ASB18: variants seen among roughly 807,000 people sequenced by gnomAD.
ASB18 encodes the protein ankyrin repeat and SOCS box protein 18.
Under a neutral mutation model 33.4 loss-of-function variants are expected in ASB18, and 33 were observed. The observed-to-expected ratio is 0.99, with a 90% CI of 0.75 to 1.32. The LOEUF is 1.32. ASB18 is among the 40% of genes most tolerant of loss of function. ASB18 has a pLI of 0.00. For synonymous variants in ASB18, 295 were observed against 307.6 expected (o/e 0.96, Z 0.43); for missense variants, 694 against 655.5 (o/e 1.06, Z -0.64).
chr2:236,216,535 A>G lies in ASB18; in HGVS notation c.597-1669T>C, dbSNP rs1388347319. ...TGCTCTAGATGACTTGCTTCTTGCC[A>G]TTTTCCTGTCTTTCTATTTCCCTGC... On this transcript the variant is annotated intron_variant, in intron 3 of 5. Coordinates refer to ENST00000409749, the MANE Select transcript of ASB18 (RefSeq NM_212556.4). This position sits in a 1 kb window ranked among gnomAD's most constrained non-coding sequence, Gnocchi z 6.1. 2.0e-5 allele frequency among the ~76,000 whole-genome samples: 3 copies of G among 151,880 alleles called. No individual in the cohort carries two copies. Among genetic ancestry groups the G allele is most frequent in the Non-Finnish European group, 4.4e-5 (3 of 67,992 alleles).
At position 236,195,476 on chromosome 2, in the gene ASB18, C is replaced by CAA. The variant is rs147251045; in HGVS notation, c.1216-421_1216-420dup. 0.094 allele frequency among the ~76,000 whole-genome samples: 14,247 copies of CAA among 151,756 alleles called. 830 individuals are homozygous for CAA. Among genetic ancestry groups the CAA allele is most frequent in the Middle Eastern group, 0.21 (60 of 290 alleles). ...GGTGGTCAGTCATGCACACATGACT[C>CAA]AAGTCAGTGAAACAGAAAAAACACA... On this transcript the variant is annotated intron_variant, in intron 5 of 5. Transcript: ENST00000409749. This position sits in a 1 kb window ranked among gnomAD's most constrained non-coding sequence, Gnocchi z 5.5.
Position 236,196,098 on chromosome 2 carries a change from G to A in ASB18, c.1215+174C>T, listed in dbSNP as rs907689979. On this transcript the variant is annotated intron_variant, in intron 5 of 5. Transcript: ENST00000409749. This position sits in a 1 kb window ranked among gnomAD's most constrained non-coding sequence, Gnocchi z 5.6. ...TACTATAACAAGCTCCTGGCTGTGT[G>A]ATTATGGAGCCTCCAGAAAAAACCA... The A allele has an allele frequency of 2.5e-5, 16 of 647,982 alleles. No homozygotes were observed. The Admixed American group carries it at 3.6e-4, about 15-fold the overall frequency. The allele number at this position is 647,982 out of a possible 1,614,324, so 40.1% of individuals were successfully genotyped here.
In ASB18 at chr2:236,195,521, T is replaced by TC. The variant is rs1469744774; in HGVS notation, c.1216-465_1216-464insG. Among the ~76,000 whole-genome samples, 1 of 107,454 alleles carries TC rather than the reference T, an allele frequency of 9.3e-6. No individual in the cohort carries two copies. The highest frequency in any genetic ancestry group is 3.8e-5 in the African/African-American group (1 of 26,174). 70.5% of individuals were successfully genotyped at this position (107,454 alleles called of 152,430 possible). ...AACACACACAACTCTTCTCACTCTC[T>TC]TTTTTTTTTTTTGAGATGGAGTCTA... On this transcript the variant is annotated intron_variant, in intron 5 of 5. Coordinates refer to ENST00000409749, the MANE Select transcript of ASB18 (RefSeq NM_212556.4). This position sits in a 1 kb window ranked among gnomAD's most constrained non-coding sequence, Gnocchi z 5.5.
At position 236,256,894 on chromosome 2, in the gene ASB18, G is replaced by A. The variant is rs2060694972; in HGVS notation, c.205+7247C>T. 6.6e-6 allele frequency among the ~76,000 whole-genome samples: 1 copy of A among 151,978 alleles called. No individual in the cohort carries two copies. The highest frequency in any genetic ancestry group is 2.1e-4 in the South Asian group (1 of 4,808). On this transcript the variant is annotated intron_variant, in intron 1 of 5. Coordinates refer to ENST00000409749, the MANE Select transcript of ASB18 (RefSeq NM_212556.4). This position sits in a 1 kb window ranked among gnomAD's most constrained non-coding sequence, Gnocchi z 4.7. ...CAACCTGCTTCTGGGGAAAAAAAAA[G>A]AGCCTAGGGTGTGTGTCTCGTAGAA...
At chr2:236,206,855 G>C (rs1422518783) in intron 4 of ASB18, among the ~76,000 whole-genome samples, 1 of 152,186 alleles carries the variant, frequency 6.6e-6, no homozygotes, top group East Asian at 1.9e-4. Flanking sequence ...GTGGGATGAG[G>C]TAGTCTAATC....
rs1207783775 is a variant in ASB18 at position 236,237,357 on chromosome 2, G to T, written c.596+332C>A. Among the ~76,000 whole-genome samples the T allele has an allele frequency of 1.5e-4, 5 of 34,452 alleles. 1 individual carries two copies. The highest frequency in any genetic ancestry group is 1.2e-3 in the Admixed American group (3 of 2,582). 22.6% of individuals were successfully genotyped at this position (34,452 alleles called of 152,430 possible). On this transcript the variant is annotated intron_variant, in intron 3 of 5. Transcript: ENST00000409749. This position sits in a 1 kb window ranked among gnomAD's most constrained non-coding sequence, Gnocchi z 6.2. ...CCCGCGGGGGCCGGGGCCGGGGCGC[G>T]GGGCGGGGGCCGGGGCCGGGGCGCG...
chr2:236,208,031 T>C lies in ASB18; in HGVS notation c.1101+6331A>G, dbSNP rs1253040074. ...TTTGGAGGACAGGAGCTGTTCTTTC[T>C]AGACTGGGCATCATATCGACATCAT... On this transcript the variant is annotated intron_variant, in intron 4 of 5. Coordinates refer to ENST00000409749, the MANE Select transcript of ASB18 (RefSeq NM_212556.4). This position sits in a 1 kb window ranked among gnomAD's most constrained non-coding sequence, Gnocchi z 7.7. 6.6e-6 allele frequency among the ~76,000 whole-genome samples: 1 copy of C among 152,098 alleles called. No individual in the cohort carries two copies. Among genetic ancestry groups the C allele is most frequent in the African/African-American group, 2.4e-5 (1 of 41,394 alleles).
rs1241760636 is a variant in ASB18 at position 236,211,980 on chromosome 2, A to G, written c.1101+2382T>C. Among the ~76,000 whole-genome samples the G allele has an allele frequency of 6.6e-6, 1 of 152,190 alleles. No individual in the cohort carries two copies. Among genetic ancestry groups the G allele is most frequent in the East Asian group, 1.9e-4 (1 of 5,186 alleles). Reference sequence around the variant, plus strand: ...GCAGTGGCTGGAATCCCTTTCATTCATTCAACAAACACTGATGGAAGGTCT... The same window carrying G: ...GCAGTGGCTGGAATCCCTTTCATTCGTTCAACAAACACTGATGGAAGGTCT... On this transcript the variant is annotated intron_variant, in intron 4 of 5. Transcript: ENST00000409749. The surrounding 1 kb of genome is among the most constrained non-coding windows in gnomAD (Gnocchi z 5.0).
At position 236,259,517 on chromosome 2, in the gene ASB18, C is replaced by T. The variant is rs955860597; in HGVS notation, c.205+4624G>A. 11 of 470,916 alleles carry T rather than the reference C, an allele frequency of 2.3e-5. No individual in the cohort carries two copies. The highest frequency in any genetic ancestry group is 4.7e-5 in the Admixed American group (2 of 42,554). The allele number at this position is 470,916 out of a possible 1,614,324, so 29.2% of individuals were successfully genotyped here. On this transcript the variant is annotated intron_variant, in intron 1 of 5. Transcript: ENST00000409749. This position sits in a 1 kb window ranked among gnomAD's most constrained non-coding sequence, Gnocchi z 4.4. ...TATGCTTTCATGCAGGGAGGATGCA[C>T]GATTTCTGTCCCAGTGGGAAGGGAT...
chr2:236,233,209 G>T (rs945469588), intron 3 of ASB18, among the ~76,000 whole-genome samples: 2 of 152,086 alleles, frequency 1.3e-5, no homozygotes, highest in Non-Finnish European at 2.9e-5. Flanking sequence ...CTCCATATAT[G>T]TAGAAAAAGC....
rs2060563011 is a variant in ASB18, at chr2:236,231,126, C to G, written c.596+6563G>C. On this transcript the variant is annotated intron_variant, in intron 3 of 5. Coordinates refer to ENST00000409749, the MANE Select transcript of ASB18 (RefSeq NM_212556.4). This position sits in a 1 kb window ranked among gnomAD's most constrained non-coding sequence, Gnocchi z 5.5. Reference sequence around the variant, plus strand: ...GGCAGAACCTTTGATTTGCCGCTAACCAATGGACTATTGCAAAGGTGACAG... The same window carrying G: ...GGCAGAACCTTTGATTTGCCGCTAAGCAATGGACTATTGCAAAGGTGACAG... 6.6e-6 allele frequency among the ~76,000 whole-genome samples: 1 copy of G among 152,072 alleles called. No individual in the cohort carries two copies. The highest frequency in any genetic ancestry group is 2.1e-4 in the South Asian group (1 of 4,816).
At chr2:236,230,726 T>A (rs1392531333) in intron 3 of ASB18, among the ~76,000 whole-genome samples, 4 of 150,990 alleles carry the variant, frequency 2.6e-5, no homozygotes, top group African/African-American at 9.7e-5. Flanking sequence ...AACAAAAAGT[T>A]ATATCTAGTA....
intron 3 of ASB18, among the ~76,000 whole-genome samples, chr2:236,227,565 A>G (rs182840162): frequency 6.6e-6 from 1 of 152,364 alleles, no homozygotes; most frequent in African/African-American, 2.4e-5. Flanking sequence ...CACAGCTAGT[A>G]AGTGTTGGAA....
At position 236,226,151 on chromosome 2, in the gene ASB18, C is replaced by G. The variant is rs1034798086; in HGVS notation, c.597-11285G>C. 7.2e-5 allele frequency among the ~76,000 whole-genome samples: 11 copies of G among 152,160 alleles called. No individual in the cohort carries two copies. Among genetic ancestry groups the G allele is most frequent in the Non-Finnish European group, 1.2e-4 (8 of 68,026 alleles). The stretch of plus-strand genomic sequence containing the variant: ...GAAAAGCCATGGTCAAAACCTCAGG[C>G]CCTTTCGACATCTATTAACTTTTTA... On this transcript the variant is annotated intron_variant, in intron 3 of 5. Coordinates refer to ENST00000409749, the MANE Select transcript of ASB18 (RefSeq NM_212556.4). This position sits in a 1 kb window ranked among gnomAD's most constrained non-coding sequence, Gnocchi z 4.8.
At chr2:236,261,856 A>C (rs1356213673) in intron 1 of ASB18, among the ~76,000 whole-genome samples, 2 of 152,190 alleles carry the variant, frequency 1.3e-5, no homozygotes, top group Non-Finnish European at 2.9e-5. Flanking sequence ...AAGGAGAGCC[A>C]AGTGAAAGGG....
Position 236,237,387 on chromosome 2 carries a change from G to GGGGGCC in ASB18, c.596+296_596+301dup, listed in dbSNP as rs1171621064. Among the ~76,000 whole-genome samples the GGGGGCC allele has an allele frequency of 9.2e-5, 7 of 76,002 alleles. No individual in the cohort carries two copies. Among genetic ancestry groups the GGGGGCC allele is most frequent in the South Asian group, 3.7e-4 (1 of 2,668 alleles). The allele number at this position is 76,002 out of a possible 152,430, so 49.9% of individuals were successfully genotyped here. The stretch of plus-strand genomic sequence containing the variant: ...GGGGGCCGGGGCCGGGGCGCGGGGC[G>GGGGGCC]GGGGCCGGGGCCGGGGCGCGGGGCG... On this transcript the variant is annotated intron_variant, in intron 3 of 5. Coordinates refer to ENST00000409749, the MANE Select transcript of ASB18 (RefSeq NM_212556.4). This position sits in a 1 kb window ranked among gnomAD's most constrained non-coding sequence, Gnocchi z 6.2.
chr2:236,253,535 C>CTTATTA lies in ASB18; in HGVS notation c.205+10600_205+10605dup, dbSNP rs56904956. On this transcript the variant is annotated intron_variant, in intron 1 of 5. Coordinates refer to ENST00000409749, the MANE Select transcript of ASB18 (RefSeq NM_212556.4). This position sits in a 1 kb window ranked among gnomAD's most constrained non-coding sequence, Gnocchi z 5.4. ...GGGACTACAGCCACTTGCTGGTTAA[C>CTTATTA]TTATTATTATTATTATTATTATTAT... is the stretch of plus-strand genomic sequence containing the variant. Among the ~76,000 whole-genome samples, 72 of 146,220 alleles carry CTTATTA rather than the reference C, an allele frequency of 4.9e-4. 1 individual carries two copies. The highest frequency in any genetic ancestry group is 1.4e-3 in the South Asian group (6 of 4,366).
rs2060586220 is a variant in ASB18, at chr2:236,235,797, G to A, written c.596+1892C>T. 6.6e-6 allele frequency among the ~76,000 whole-genome samples: 1 copy of A among 152,162 alleles called. No homozygotes were observed. The highest frequency in any genetic ancestry group is 1.5e-5 in the Non-Finnish European group (1 of 68,040). On this transcript the variant is annotated intron_variant, in intron 3 of 5. Coordinates refer to ENST00000409749, the MANE Select transcript of ASB18 (RefSeq NM_212556.4). This position sits in a 1 kb window ranked among gnomAD's most constrained non-coding sequence, Gnocchi z 6.2. ...ACATGGCTTACTCCTGTGCTCAAGCGATCCTCCCACCTCAGCCCCCTGAGT... is the reference window on the plus strand; with the variant it reads ...ACATGGCTTACTCCTGTGCTCAAGCAATCCTCCCACCTCAGCCCCCTGAGT...
At chr2:236,243,078 C>A (rs1196695845) in intron 1 of ASB18, among the ~76,000 whole-genome samples, 3 of 145,510 alleles carry the variant, frequency 2.1e-5, no homozygotes, top group African/African-American at 5.1e-5. Flanking sequence ...CGCCTGTAAT[C>A]CCAGCACTTT....
Sources: allele counts gnomAD v4.1 joint callset (sites outside exome capture counted in the v4.1 genomes callset), GRCh38; gene constraint gnomAD v4.1.1; non-coding constraint Gnocchi (gnomAD v3.1); transcripts MANE v1.5; gene names NCBI Gene and HGNC (gene_info 2026-07-23, HGNC 2026-07-21).